Variants in ZNF264 observed in about 807,000 individuals in gnomAD.
ZNF264 encodes zinc finger protein 264.
In ZNF264, 11 loss-of-function variants were observed where a neutral mutation model predicts 11.2. The ratio of observed to expected loss-of-function variants is 0.98; its 90% CI spans 0.62 to 1.63. The LOEUF (loss-of-function observed/expected upper bound fraction) is 1.63, where lower values mean the gene tolerates loss of function less well. Ranked by LOEUF, ZNF264 falls within the 40% of genes most tolerant of loss-of-function variation. The pLI is 0.00. For synonymous variants in ZNF264, 309 were observed against 279.8 expected, an observed-to-expected ratio of 1.10 and a Z score of -1.04; for missense variants, 752 against 768.1, an observed-to-expected ratio of 0.98 and a Z score of 0.25.
chr19:57,209,880 TG>T (rs947739251), intron 3 of ZNF264, among the ~76,000 whole-genome samples: 2 of 152,018 alleles, frequency 1.3e-5, no homozygotes, highest in African/African-American at 4.8e-5. Context: ...TTACAGGCTT[TG>T]GGGGGCTGAG....
At position 57,213,650 on chromosome 19, in the gene ZNF264, C is replaced by T. The variant is rs957733298; in HGVS notation, c.*669C>T. On this transcript the variant is annotated 3_prime_UTR_variant, in exon 4 of 4. Transcript: ENST00000263095. The stretch of plus-strand genomic sequence containing the variant: ...AATTTTTAAATTGAGTAAAGTGATT[C>T]TTCTTTGCTCTTATTTAAAATCGAC... The T allele has an allele frequency of 2.6e-5, 4 of 152,142 alleles. No homozygotes were observed. Among genetic ancestry groups the T allele is most frequent in the Non-Finnish European group, 5.9e-5 (4 of 68,002 alleles). 9.4% of individuals were successfully genotyped at this position (152,142 alleles called of 1,614,324 possible).
In ZNF264 at chr19:57,211,691, A is replaced by C; in HGVS notation, c.594A>C (p.Glu198Asp). The change falls in exon 4 of 4, where the codon GAA becomes GAC. Residue 198 changes from glutamate to aspartate, a missense_variant. By Grantham distance (45) the Glu-to-Asp change is conservative (BLOSUM62 2). Transcript: ENST00000263095. ...CAGGTAAAGATCCCATGATTCAGGA[A>C]GAGGAAAATAACTTTAAATGCAGTG... is the stretch of plus-strand genomic sequence containing the variant. The part of the protein sequence containing the change: ...CESGKDPMIQ[E>D]EENNFKCSEC... The C allele has an allele frequency of 6.2e-7, 1 of 1,614,148 alleles. No homozygotes were observed.
At chr19:57,206,414 T>A in intron 3 of ZNF264, among the ~76,000 whole-genome samples, 1 of 151,834 alleles carries the variant, frequency 6.6e-6, no homozygotes, top group African/African-American at 2.4e-5. Flanking sequence ...CAGCTAATTT[T>A]TTTTTTTTTG....
In ZNF264 at chr19:57,193,925, G is replaced by A; in HGVS notation, c.84G>A (p.Trp28Ter). The A allele has an allele frequency of 1.9e-6, 3 of 1,614,114 alleles. No homozygotes were observed. Among genetic ancestry groups the A allele is most frequent in the East Asian group, 2.2e-5 (1 of 44,852 alleles). ...DVAVTFTKEEWGQLDLAQRTL... is the reference protein window; with the variant it reads ...DVAVTFTKEE ...CTGTGACTTTCACCAAGGAGGAGTG[G>A]GGGCAGCTGGACCTAGCTCAGCGGA... The change falls in exon 2 of 4, where the codon TGG (tryptophan) becomes TGA (stop). Residue 28 changes from tryptophan to a stop codon, truncating the protein, a stop_gained. Transcript: ENST00000263095. LOFTEE classifies it high-confidence loss of function.
Position 57,197,565 on chromosome 19 carries a change from G to A in ZNF264, c.160+3564G>A, listed in dbSNP as rs114208437. ...GTCTTAGGGGCCAAGTGGCAGAGCA[G>A]CTTGCACAGCAGCCTAGACCTGCCT... is the stretch of plus-strand genomic sequence containing the variant. On this transcript the variant is annotated intron_variant, in intron 2 of 3. Transcript: ENST00000263095. 2.3e-3 allele frequency among the ~76,000 whole-genome samples: 344 copies of A among 152,034 alleles called. 6 individuals are homozygous for A. Among genetic ancestry groups the A allele is most frequent in the African/African-American group, 8.0e-3 (332 of 41,308 alleles).
chr19:57,194,245 A>G (rs2087196176), intron 2 of ZNF264: 2 of 506,950 alleles, frequency 3.9e-6, no homozygotes, highest in Non-Finnish European at 3.3e-6. Context: ...GGTGTTTTGC[A>G]AACTCAAAGG....
Position 57,211,932 on chromosome 19 carries a change from C to T in ZNF264, c.835C>T (p.Arg279Trp), listed in dbSNP as rs780993808. ...CAAGTCATACCTTACCCAGCACCAG[C>T]GGATTCACAGTGGAGAGAAGCCTTA... ...NRKSYLTQHQ[R>W]IHSGEKPYKC... Residue 279 changes from arginine (R) to tryptophan (W), a missense_variant, in exon 4 of 4, where the codon CGG (arginine) becomes TGG (tryptophan). Coordinates refer to ENST00000263095, the MANE Select transcript of ZNF264 (RefSeq NM_003417.5). The T allele has an allele frequency of 9.9e-6, 16 of 1,613,742 alleles. No individual in the cohort carries two copies. Among genetic ancestry groups the T allele is most frequent in the Middle Eastern group, 1.6e-4 (1 of 6,062 alleles).
intron 2 of ZNF264, chr19:57,195,021 T>A: frequency 2.6e-6 from 1 of 381,510 alleles, no homozygotes; most frequent in Non-Finnish European, 4.7e-6. Context: ...GTGACTGTGT[T>A]AACACAGGAT....
In ZNF264 at chr19:57,206,336, C is replaced by A. The variant is rs535746146; in HGVS notation, c.256+844C>A. On this transcript the variant is annotated intron_variant, in intron 3 of 3. Transcript: ENST00000263095. The stretch of plus-strand genomic sequence containing the variant: ...TCGGCTCACTGCAAGCTCCGCCTCC[C>A]GGGTTCACGCCATTCTCCTGCCTCA... Among the ~76,000 whole-genome samples, 1,159 of 152,166 alleles carry A rather than the reference C, an allele frequency of 7.6e-3. 14 individuals are homozygous for A. Among genetic ancestry groups the A allele is most frequent in the African/African-American group, 0.026 (1,074 of 41,514 alleles).
rs769785751 is a variant in ZNF264, at chr19:57,211,833, C to T, written c.736C>T (p.Leu246Phe). The change falls in exon 4 of 4, where the codon CTC (leucine) becomes TTC (phenylalanine). Residue 246 changes from leucine (L) to phenylalanine (F), a missense_variant. Leu to Phe is a conservative substitution (Grantham distance 22). Coordinates refer to ENST00000263095, the MANE Select transcript of ZNF264 (RefSeq NM_003417.5). ...GAAAACCTTTATTAAGAGCACACAT[C>T]TCCTGCAACATCACATGATCCACAC... ...CGKTFIKSTH[L>F]LQHHMIHTGE... 30 of 1,613,996 alleles carry T rather than the reference C, an allele frequency of 1.9e-5. No homozygotes were observed. Among genetic ancestry groups the T allele is most frequent in the Admixed American group, 3.3e-5 (2 of 60,002 alleles).
In ZNF264 at chr19:57,211,564, C is replaced by T; in HGVS notation, c.467C>T (p.Pro156Leu). 2 of 1,613,956 alleles carry T rather than the reference C, an allele frequency of 1.2e-6. No individual in the cohort carries two copies. Among genetic ancestry groups the T allele is most frequent in the Non-Finnish European group, 8.5e-7 (1 of 1,179,954 alleles). ...GAGAAGTCTCCTGGGAAGATGAGCC[C>T]TGAATGTGATGGTTTAGGGACAGCT... The part of the protein sequence containing the change: ...PQEKSPGKMS[P>L]ECDGLGTADG... The change falls in exon 4 of 4, where the codon CCT (proline) becomes CTT (leucine). Residue 156 changes from proline to leucine, a missense_variant. Pro to Leu is a moderately conservative substitution (Grantham distance 98, BLOSUM62 -3). Coordinates refer to ENST00000263095, the MANE Select transcript of ZNF264 (RefSeq NM_003417.5).
Position 57,213,025 on chromosome 19 carries a change from A to G in ZNF264, c.*44A>G, listed in dbSNP as rs2087353422. On this transcript the variant is annotated 3_prime_UTR_variant, in exon 4 of 4. Coordinates refer to ENST00000263095, the MANE Select transcript of ZNF264 (RefSeq NM_003417.5). ...AATATTACTTGTCATCTGAAGAGTC[A>G]TATTAGAAATTCGTTCAGTCTAGAG... The G allele has an allele frequency of 2.6e-6, 4 of 1,554,596 alleles. No individual in the cohort carries two copies. Among genetic ancestry groups the G allele is most frequent in the African/African-American group, 1.4e-5 (1 of 72,944 alleles).
At position 57,198,263 on chromosome 19, in the gene ZNF264, A is replaced by G. The variant is rs186286823; in HGVS notation, c.160+4262A>G. On this transcript the variant is annotated intron_variant, in intron 2 of 3. Transcript: ENST00000263095. ...GAGCAACCACCTGGTTAAGCTTTCT[A>G]TAATTCACAGTCATTCTCTAAGATC... is the stretch of plus-strand genomic sequence containing the variant. Among the ~76,000 whole-genome samples, 39 of 152,086 alleles carry G rather than the reference A, an allele frequency of 2.6e-4. 1 individual carries two copies. The highest frequency in any genetic ancestry group is 3.4e-3 in the Middle Eastern group (1 of 294).
chr19:57,195,918 T>C (rs2087208497), intron 2 of ZNF264, among the ~76,000 whole-genome samples: 1 of 151,826 alleles, frequency 6.6e-6, no homozygotes, highest in African/African-American at 2.4e-5. Flanking sequence ...AAAATTTTGC[T>C]AGTTGATCAC....
Position 57,211,653 on chromosome 19 carries a change from A to C in ZNF264, c.556A>C (p.Asn186His), listed in dbSNP as rs897414932. The C allele has an allele frequency of 3.4e-5, 55 of 1,614,218 alleles. No homozygotes were observed. Among genetic ancestry groups the C allele is most frequent in the Non-Finnish European group, 4.7e-5 (55 of 1,180,038 alleles). The change falls in exon 4 of 4, where the codon AAC becomes CAC. Residue 186 changes from asparagine (N) to histidine (H), a missense_variant. Physicochemically the swap from Asn to His is moderately conservative, Grantham distance 68. Transcript: ENST00000263095. The part of the protein sequence containing the change: ...VSPGDRVRSH[N>H]SCESGKDPMI... The stretch of plus-strand genomic sequence containing the variant: ...TCCAGGAGATAGAGTCCGTAGCCAT[A>C]ACTCATGTGAGTCAGGTAAAGATCC...
At position 57,212,417 on chromosome 19, in the gene ZNF264, T is replaced by A. The variant is rs771781963; in HGVS notation, c.1320T>A (p.Ser440=). The A allele has an allele frequency of 1.2e-6, 2 of 1,613,604 alleles. No individual in the cohort carries two copies. The highest frequency in any genetic ancestry group is 8.5e-7 in the Non-Finnish European group (1 of 1,179,934). The change falls in exon 4 of 4, where the codon TCT becomes TCA. Residue 440 remains serine, a synonymous_variant. Transcript: ENST00000263095. ...SECGKAFTHC[S]TFILHKRAHT... ...GTGGAAAGGCCTTCACCCACTGCTC[T>A]ACTTTTATCTTGCATAAAAGGGCCC...
Position 57,212,658 on chromosome 19 carries a change from T to C in ZNF264, c.1561T>C (p.Cys521Arg). ...YECVECGKSF[C>R]WSTNLIRHAI... ...ATGTGTTGAGTGTGGGAAATCGTTT[T>C]GCTGGAGCACAAACCTCATTCGACA... Residue 521 changes from cysteine to arginine, a missense_variant, in exon 4 of 4, where the codon TGC (cysteine) becomes CGC (arginine). Physicochemically the swap from Cys to Arg is radical, Grantham distance 180 (BLOSUM62 -3). Transcript: ENST00000263095. 6.2e-7 allele frequency: 1 copy of C among 1,613,752 alleles called. No homozygotes were observed. The highest frequency in any genetic ancestry group is 8.5e-7 in the Non-Finnish European group (1 of 1,179,936).
rs1252010961 is a variant in ZNF264, at chr19:57,207,274, A to T, written c.256+1782A>T. 2.0e-5 allele frequency among the ~76,000 whole-genome samples: 3 copies of T among 152,138 alleles called. No homozygotes were observed. The East Asian group carries it at 5.8e-4, about 29-fold the overall frequency. ...AGACAGTTTTTGTCTCCAGGCACAG[A>T]TGTCTCAGCATGTGAGTGCTGATGT... On this transcript the variant is annotated intron_variant, in intron 3 of 3. Transcript: ENST00000263095.
At chr19:57,208,372 C>T (rs1207418242) in intron 3 of ZNF264, among the ~76,000 whole-genome samples, 2 of 151,478 alleles carry the variant, frequency 1.3e-5, no homozygotes, top group Non-Finnish European at 2.9e-5. Flanking sequence ...TGGTGAGACC[C>T]CGTCTCTGCA....
Sources: allele counts gnomAD v4.1 joint callset (sites outside exome capture counted in the v4.1 genomes callset), GRCh38; gene constraint gnomAD v4.1.1; transcripts MANE v1.5; gene names NCBI Gene and HGNC (gene_info 2026-07-23, HGNC 2026-07-21).